MAPK10: variants seen among roughly 807,000 people sequenced by gnomAD.
MAPK10 encodes the protein JNK3 alpha protein kinase.
Under a neutral mutation model 59.3 loss-of-function variants are expected in MAPK10, and 25 were observed. The ratio of observed to expected loss-of-function variants is 0.42; its 90% confidence interval spans 0.31 to 0.59. The LOEUF (loss-of-function observed/expected upper bound fraction) is 0.59. MAPK10 is among the 20% of genes least tolerant of loss of function. The pLI is 0.15. For missense variants in MAPK10, 351 were observed against 568.9 expected (o/e 0.62, Z 3.90); for synonymous variants, 190 against 200.5 (o/e 0.95, Z 0.44).
chr4:86,399,326 G>A (rs998710815), intron 1 of MAPK10, among the ~76,000 whole-genome samples: 1 of 152,038 alleles, frequency 6.6e-6, no homozygotes, highest in African/African-American at 2.4e-5. Context: ...ACTTCATTAT[G>A]GTTTTGATTT....
chr4:86,142,141 C>T (rs998747633), intron 4 of MAPK10, among the ~76,000 whole-genome samples: 27 of 152,182 alleles, frequency 1.8e-4, no homozygotes, highest in African/African-American at 4.8e-4. Flanking sequence ...ACACTTCCCA[C>T]TAGGCCCCAC....
chr4:86,560,461 T>C (rs141031509), intron 1 of MAPK10, among the ~76,000 whole-genome samples: 45 of 152,370 alleles, frequency 3.0e-4, no homozygotes, highest in African/African-American at 9.6e-4. Context: ...AATGGAATTC[T>C]TGTTTAAAGG....
intron 1 of MAPK10, among the ~76,000 whole-genome samples, chr4:86,586,530 C>G (rs1762664459): frequency 6.6e-6 from 1 of 152,148 alleles, no homozygotes; most frequent in South Asian, 2.1e-4. Context: ...ATCTGATAAA[C>G]CAATCCACAT....
At chr4:86,423,357 T>C (rs964472720) in intron 1 of MAPK10, among the ~76,000 whole-genome samples, 1 of 152,224 alleles carries the variant, frequency 6.6e-6, no homozygotes, top group Non-Finnish European at 1.5e-5. Context: ...TATGACTCTC[T>C]GTTATATGCA....
chr4:86,304,429 TTAGCCCAGGCCGGA>T (rs2095528489), intron 2 of MAPK10, among the ~76,000 whole-genome samples: 1 of 149,484 alleles, frequency 6.7e-6, no homozygotes, highest in African/African-American at 2.5e-5. Context: ...GTCCCGCTGT[TTAGCCCAGGCCGGA>T]TTGCAGTGGC....
At chr4:86,393,335 GTTTTT>G (rs112022296) in intron 1 of MAPK10, among the ~76,000 whole-genome samples, 1 of 143,470 alleles carries the variant, frequency 7.0e-6, no homozygotes, top group Non-Finnish European at 1.5e-5. Flanking sequence ...CAATGATCTA[GTTTTT>G]TTTTTTTTAA....
At chr4:86,279,402 T>G (rs1482539996) in intron 2 of MAPK10, among the ~76,000 whole-genome samples, 3 of 152,176 alleles carry the variant, frequency 2.0e-5, no homozygotes, top group African/African-American at 7.2e-5. Context: ...ATTCTATTTC[T>G]ACCACTTACT....
intron 2 of MAPK10, among the ~76,000 whole-genome samples, chr4:86,230,049 A>T (rs1181128478): frequency 2.0e-5 from 3 of 152,234 alleles, no homozygotes; most frequent in Non-Finnish European, 4.4e-5. Context: ...CAACAGAGCG[A>T]GACCTTGTCT....
chr4:86,149,062 T>C (rs1349360418), intron 4 of MAPK10, among the ~76,000 whole-genome samples: 1 of 152,166 alleles, frequency 6.6e-6, no homozygotes, highest in Non-Finnish European at 1.5e-5. Flanking sequence ...ATTCATGACA[T>C]ATGTGCTAGA....
intron 1 of MAPK10, among the ~76,000 whole-genome samples, chr4:86,527,647 A>T (rs1250988498): frequency 6.6e-6 from 1 of 152,206 alleles, no homozygotes; most frequent in East Asian, 1.9e-4. Flanking sequence ...CGACCTGGCA[A>T]TCCCATTACT....
chr4:86,233,534 A>C (rs1298745408), intron 2 of MAPK10, among the ~76,000 whole-genome samples: 2 of 152,158 alleles, frequency 1.3e-5, no homozygotes, highest in African/African-American at 2.4e-5. Flanking sequence ...AGTGGTGCCA[A>C]GCAAGTGCTT....
At chr4:86,131,766 G>C (rs1261999309) in intron 4 of MAPK10, among the ~76,000 whole-genome samples, 1 of 152,062 alleles carries the variant, frequency 6.6e-6, no homozygotes, top group African/African-American at 2.4e-5. Context: ...TTATTTACGA[G>C]ACGATGCAAA....
At chr4:86,052,830 T>C (rs552115861) in intron 11 of MAPK10, among the ~76,000 whole-genome samples, 8 of 152,052 alleles carry the variant, frequency 5.3e-5, no homozygotes, top group Non-Finnish European at 1.2e-4. Flanking sequence ...AAGTAGCTAG[T>C]GTAAGCCACC....
intron 2 of MAPK10, among the ~76,000 whole-genome samples, chr4:86,321,592 G>A (rs1316119919): frequency 4.0e-4 from 47 of 116,946 alleles, no homozygotes; most frequent in Non-Finnish European, 4.1e-4. Context: ...TTGTGGGGTG[G>A]GGGGAGGGGG....
chr4:86,089,250 A>G, intron 9 of MAPK10: 1 of 1,612,986 alleles, frequency 6.2e-7, no homozygotes, highest in Non-Finnish European at 8.5e-7. Flanking sequence ...CATTTCTCCC[A>G]TGATGCACCC....
chr4:86,347,483 G>C (rs1233549628), intron 2 of MAPK10, among the ~76,000 whole-genome samples: 2 of 152,096 alleles, frequency 1.3e-5, no homozygotes, highest in Non-Finnish European at 2.9e-5. Context: ...ATCTTCCTAA[G>C]ACACATAGCT....
intron 9 of MAPK10, among the ~76,000 whole-genome samples, chr4:86,071,761 A>T (rs1472444327): frequency 8.0e-5 from 12 of 150,910 alleles, no homozygotes; most frequent in Admixed American, 5.9e-4. Flanking sequence ...ATCTCTGTTT[A>T]GGTACCAGTA....
chr4:86,134,852 G>A (rs1450397605), intron 4 of MAPK10, among the ~76,000 whole-genome samples: 1 of 152,188 alleles, frequency 6.6e-6, no homozygotes, highest in African/African-American at 2.4e-5. Flanking sequence ...CCGAAGCAGG[G>A]CGAGGCATTG....
chr4:86,367,827 C>A (rs1213478353), intron 1 of MAPK10, among the ~76,000 whole-genome samples: 1 of 151,946 alleles, frequency 6.6e-6, no homozygotes, highest in Admixed American at 6.6e-5. Context: ...AGAATCCAGT[C>A]GCCAAACATC....
Sources: gnomAD v4.1 joint callset for allele counts (sites outside exome capture counted in the v4.1 genomes callset) on GRCh38, gnomAD v4.1.1 for gene constraint, MANE v1.5 for transcripts, NCBI Gene and HGNC (gene_info 2026-07-23, HGNC 2026-07-21) for gene names.